MYRFL: variants seen among roughly 807,000 people sequenced by gnomAD.
The protein encoded by MYRFL is myelin regulatory factor-like protein.
Under a neutral mutation model 109.4 loss-of-function variants are expected in MYRFL, and 88 were observed. That is an observed-to-expected ratio of 0.80 (90% CI 0.68 to 0.96). The LOEUF (loss-of-function observed/expected upper bound fraction) is 0.96, where lower values mean the gene tolerates loss of function less well. Ranked by LOEUF, MYRFL falls within the 40% of genes least tolerant of loss-of-function variation. The pLI is 0.00. For synonymous variants in MYRFL, 324 were observed against 320.9 expected (o/e 1.01, Z -0.10); for missense variants, 957 against 954.9 (o/e 1.00, Z -0.03).
At chr12:69,948,228 G>A (rs1955886571) in intron 19 of MYRFL, among the ~76,000 whole-genome samples, 1 of 152,162 alleles carries the variant, frequency 6.6e-6, no homozygotes, top group South Asian at 2.1e-4. Context: ...GTGTCAAATG[G>A]AAGGTGTTTT....
chr12:69,841,928 C>T (rs1883266375), intron 1 of MYRFL, among the ~76,000 whole-genome samples: 1 of 152,092 alleles, frequency 6.6e-6, no homozygotes, highest in Non-Finnish European at 1.5e-5. Flanking sequence ...CCCACAACTC[C>T]TCTGTGAGGT....
At chr12:69,934,926 T>G (rs954600446) in intron 16 of MYRFL, among the ~76,000 whole-genome samples, 2 of 152,208 alleles carry the variant, frequency 1.3e-5, no homozygotes, top group Non-Finnish European at 2.9e-5. Flanking sequence ...GTTCTCACTC[T>G]GGGCTGTGGG....
chr12:69,958,188 C>T (rs941879083), intron 23 of MYRFL, 61 bp from the exon 24 acceptor site: 8 of 1,395,034 alleles, frequency 5.7e-6, no homozygotes, highest in Non-Finnish European at 6.8e-6. Flanking sequence ...TCAGCCTGTA[C>T]TCTTTCCTAC....
At chr12:69,911,744 A>G (rs1954578898) in intron 13 of MYRFL, among the ~76,000 whole-genome samples, 1 of 152,176 alleles carries the variant, frequency 6.6e-6, no homozygotes, top group Non-Finnish European at 1.5e-5. Context: ...TTTATACTGC[A>G]TTATTATATT....
In MYRFL at chr12:69,926,666, C is replaced by G; in HGVS notation, c.1698C>G (p.Asn566Lys). Residue 566 changes from asparagine (N) to lysine (K), a missense_variant, in exon 14 of 25, where the codon AAC becomes AAG. Coordinates refer to ENST00000552032, the MANE Select transcript of MYRFL (RefSeq NM_182530.3). ...EERIEELEIWNRKLARLKRLS... is the reference protein window; with the variant it reads ...EERIEELEIWKRKLARLKRLS... Reference sequence around the variant, plus strand: ...GAATAGAAGAGTTAGAAATATGGAACAGAAAGCTGGCCCGGCTAAAGCGGC... The same window carrying G: ...GAATAGAAGAGTTAGAAATATGGAAGAGAAAGCTGGCCCGGCTAAAGCGGC... The G allele has an allele frequency of 6.6e-7, 1 of 1,525,914 alleles. No homozygotes were observed. Among genetic ancestry groups the G allele is most frequent in the Non-Finnish European group, 8.8e-7 (1 of 1,140,890 alleles). The allele number at this position is 1,525,914 out of a possible 1,614,324, so 94.5% of individuals were successfully genotyped here.
intron 22 of MYRFL, among the ~76,000 whole-genome samples, chr12:69,957,542 T>G (rs1300725973): frequency 6.6e-6 from 1 of 152,030 alleles, no homozygotes; most frequent in Non-Finnish European, 1.5e-5. Context: ...CTGGGCAACA[T>G]AGCGAGATCT....
In MYRFL at chr12:69,831,881, C is replaced by T. The variant is rs541404770; in HGVS notation, c.46+6318C>T. Among the ~76,000 whole-genome samples, 297 of 152,120 alleles carry T rather than the reference C, an allele frequency of 2.0e-3. 1 individual carries two copies. Among genetic ancestry groups the T allele is most frequent in the Middle Eastern group, 6.8e-3 (2 of 294 alleles). ...AAAATAAAAATGTAGAGATGAATCT[C>T]TAAATTTAATGTTTTATTTGGGAAG... On this transcript the variant is annotated intron_variant, in intron 1 of 24. Coordinates refer to ENST00000552032, the MANE Select transcript of MYRFL (RefSeq NM_182530.3).
chr12:69,946,295 G>A (rs1225797190), intron 19 of MYRFL, among the ~76,000 whole-genome samples: 5 of 152,024 alleles, frequency 3.3e-5, no homozygotes, highest in Admixed American at 6.6e-5. Context: ...TTTATGTTGT[G>A]CCTTACTAGG....
intron 13 of MYRFL, among the ~76,000 whole-genome samples, chr12:69,917,708 G>T (rs1213796333): frequency 6.6e-6 from 1 of 152,110 alleles, no homozygotes; most frequent in Non-Finnish European, 1.5e-5. Context: ...TCAGTGCTGT[G>T]TTGATTAGTA....
chr12:69,899,563 T>C (rs1012957181), intron 10 of MYRFL, among the ~76,000 whole-genome samples: 1 of 152,224 alleles, frequency 6.6e-6, no homozygotes. Context: ...CTGACTACAT[T>C]AAATGGAGAA....
intron 2 of MYRFL, among the ~76,000 whole-genome samples, chr12:69,872,930 ATTTCTGCC>A (rs1310037790): frequency 1.3e-5 from 2 of 152,120 alleles, no homozygotes; most frequent in Non-Finnish European, 2.9e-5. Context: ...GCCTGGCCTA[ATTTCTGCC>A]TTTTAATGGG....
At chr12:69,957,468 G>C (rs561792052) in intron 22 of MYRFL, among the ~76,000 whole-genome samples, 7 of 152,322 alleles carry the variant, frequency 4.6e-5, no homozygotes, top group Non-Finnish European at 7.3e-5. Flanking sequence ...GCTAACGTCT[G>C]TAATCCCAGC....
intron 16 of MYRFL, among the ~76,000 whole-genome samples, chr12:69,934,707 T>C (rs1345021070): frequency 6.6e-6 from 1 of 152,164 alleles, no homozygotes; most frequent in African/African-American, 2.4e-5. Context: ...TTTCCTGAAG[T>C]CAGGTTGTCT....
chr12:69,934,118 G>A (rs1955368997), intron 16 of MYRFL, among the ~76,000 whole-genome samples: 1 of 152,202 alleles, frequency 6.6e-6, no homozygotes, highest in African/African-American at 2.4e-5. Context: ...GAGATGGAGA[G>A]TGGGAGAGGT....
At chr12:69,874,751 G>A (rs1473672237) in intron 2 of MYRFL, among the ~76,000 whole-genome samples, 1 of 151,822 alleles carries the variant, frequency 6.6e-6, no homozygotes, top group Non-Finnish European at 1.5e-5. Flanking sequence ...TTTTTCTGTA[G>A]CACTTTAAAG....
At chr12:69,931,363 C>A (rs897310606) in intron 15 of MYRFL, among the ~76,000 whole-genome samples, 30 of 152,230 alleles carry the variant, frequency 2.0e-4, no homozygotes, top group African/African-American at 6.8e-4. Flanking sequence ...AAACCATTGA[C>A]TTCTTGGTCA....
chr12:69,958,439 T>TGACA lies in MYRFL; in HGVS notation c.2647-4_2647-1dup. 1 of 1,523,426 alleles carries TGACA rather than the reference T, an allele frequency of 6.6e-7. No individual in the cohort carries two copies. Among genetic ancestry groups the TGACA allele is most frequent in the South Asian group, 1.2e-5 (1 of 80,100 alleles). The allele number at this position is 1,523,426 out of a possible 1,614,324, so 94.4% of individuals were successfully genotyped here. On this transcript the variant is annotated splice_region_variant and splice_polypyrimidine_tract_variant and intron_variant, in intron 24 of 24. Coordinates refer to ENST00000552032, the MANE Select transcript of MYRFL (RefSeq NM_182530.3). ...CTTCCTTTTTTTTTTTCTCCTTTTC[T>TGACA]GACAGGATTTAGCTGACTGTTCAAC...
At chr12:69,936,356 AC>A (rs1175327982) in intron 18 of MYRFL, 21 bp downstream of exon 18, 8 of 1,533,172 alleles carry the variant, frequency 5.2e-6, no homozygotes, top group African/African-American at 1.4e-5. Context: ...CACATTCCTC[AC>A]CCTCAAACCC....
intron 10 of MYRFL, among the ~76,000 whole-genome samples, chr12:69,900,547 CT>C (rs1241366843): frequency 6.6e-6 from 1 of 152,166 alleles, no homozygotes; most frequent in Non-Finnish European, 1.5e-5. Context: ...CCAGGAGATG[CT>C]GATATTGCTA....
Sources: gnomAD v4.1 joint callset for allele counts (sites outside exome capture counted in the v4.1 genomes callset) on GRCh38, gnomAD v4.1.1 for gene constraint, MANE v1.5 for transcripts, NCBI Gene and HGNC (gene_info 2026-07-23, HGNC 2026-07-21) for gene names.